DHRS2: variants seen among roughly 807,000 people sequenced by gnomAD.
DHRS2 encodes the protein dehydrogenase/reductase SDR family member 2, mitochondrial.
A neutral mutation model predicts 26.3 loss-of-function variants in DHRS2; 29 were observed. That is an observed-to-expected ratio of 1.10 (90% CI 0.82 to 1.50). DHRS2 has a LOEUF of 1.50. Ranked by LOEUF, DHRS2 falls within the 40% of genes most tolerant of loss-of-function variation. The pLI is 0.00. For synonymous variants in DHRS2, 164 were observed against 151.3 expected (o/e 1.08, Z -0.62); for missense variants, 439 against 367.1 (o/e 1.20, Z -1.60).
intron 1 of DHRS2, 121 bp from the exon 2 acceptor site, chr14:23,638,706 C>G: frequency 9.5e-7 from 1 of 1,047,764 alleles, no homozygotes; most frequent in South Asian, 1.6e-5. Context: ...TTTACCCTAA[C>G]CAGCCTGACT....
At chr14:23,640,665 C>T (rs1162384445) in intron 4 of DHRS2, 2 of 157,784 alleles carry the variant, frequency 1.3e-5, no homozygotes, top group East Asian at 1.9e-4. Context: ...TGTTTCCTGC[C>T]TTCTGGCCTT....
rs759092326 is a variant in DHRS2, at chr14:23,638,816, C to T, written c.-38-11C>T. ...GCATCAGTGATAAGTGAAATTGATT[C>T]TTTCCCCCAGGCCTGATTCAGCAGG... On this transcript the variant is annotated splice_polypyrimidine_tract_variant and intron_variant, in intron 1 of 8. Transcript: ENST00000250383. 5 of 1,588,878 alleles carry T rather than the reference C, an allele frequency of 3.1e-6. No individual in the cohort carries two copies. The Admixed American group carries it at 8.6e-5, about 27-fold the overall frequency.
At chr14:23,632,566 G>A (rs1890150143), upstream of DHRS2, among the ~76,000 whole-genome samples, 1 of 152,206 alleles carries the variant, frequency 6.6e-6, no homozygotes, top group African/African-American at 2.4e-5. Flanking sequence ...AGTACAGACT[G>A]ATATTTAATA....
At chr14:23,632,792 C>T (rs762198755), upstream of DHRS2, among the ~76,000 whole-genome samples, 4 of 152,166 alleles carry the variant, frequency 2.6e-5, no homozygotes, top group Non-Finnish European at 5.9e-5. Context: ...AGAGTCATCC[C>T]AGGCCAGAGC....
Position 23,645,447 on chromosome 14 carries a change from G to A in DHRS2, c.*194G>A. 8.4e-7 allele frequency: 1 copy of A among 1,185,574 alleles called. No individual in the cohort carries two copies. Among genetic ancestry groups the A allele is most frequent in the Non-Finnish European group, 1.2e-6 (1 of 862,428 alleles). 73.4% of individuals were successfully genotyped at this position (1,185,574 alleles called of 1,614,324 possible). ...TTAGGACTTATCTGCTTGTAGATTT[G>A]GCTGATCCAATTAACATGTGGGGTT... On this transcript the variant is annotated 3_prime_UTR_variant, in exon 9 of 9. Transcript: ENST00000250383.
In DHRS2 at chr14:23,645,289, G is replaced by A; in HGVS notation, c.*36G>A. On this transcript the variant is annotated 3_prime_UTR_variant, in exon 9 of 9. Transcript: ENST00000250383. Reference sequence around the variant, plus strand: ...GGCGGCTGCGTAGCTGTGGTCCCAGGCCCAGGAGCCTGAGGGGGTGTCTAG... The same window carrying A: ...GGCGGCTGCGTAGCTGTGGTCCCAGACCCAGGAGCCTGAGGGGGTGTCTAG... The A allele has an allele frequency of 6.2e-7, 1 of 1,613,562 alleles. No individual in the cohort carries two copies. The highest frequency in any genetic ancestry group is 1.1e-5 in the South Asian group (1 of 91,084).
At chr14:23,645,042 C>G in intron 8 of DHRS2, 100 bp from the exon 9 acceptor site, 1 of 1,589,748 alleles carries the variant, frequency 6.3e-7, no homozygotes, top group African/African-American at 1.3e-5. Flanking sequence ...CTGCATCCAC[C>G]TTGTTCCCCA....
chr14:23,644,299 A>G, intron 6 of DHRS2, 110 bp from the exon 7 acceptor site: 1 of 1,564,430 alleles, frequency 6.4e-7, no homozygotes, highest in East Asian at 2.2e-5. Context: ...GCTTGTCTCC[A>G]TGTGGGTGGG....
rs1306274472 is a variant in DHRS2, at chr14:23,636,695, A to T, written c.-116A>T. 1 of 152,184 alleles carries T rather than the reference A, an allele frequency of 6.6e-6. No individual in the cohort carries two copies. Among genetic ancestry groups the T allele is most frequent in the Non-Finnish European group, 1.5e-5 (1 of 68,052 alleles). The allele number at this position is 152,184 out of a possible 1,614,324, so 9.4% of individuals were successfully genotyped here. On this transcript the variant is annotated 5_prime_UTR_variant, in exon 1 of 9. Transcript: ENST00000250383. ...CTGTCACCTATCACCAAGTGGTGAG[A>T]CTATTGCCAAGCAGTGAGACTATTG...
At chr14:23,644,790 A>G (rs1317407821) in intron 7 of DHRS2, 37 bp from the exon 8 acceptor site, 4 of 1,611,042 alleles carry the variant, frequency 2.5e-6, no homozygotes, top group African/African-American at 1.3e-5. Context: ...ATCTTGTTTT[A>G]GTAGCACTGA....
chr14:23,636,835 C>T (rs1890323092), intron 1 of DHRS2, 63 bp downstream of exon 1: 1 of 152,230 alleles, frequency 6.6e-6, no homozygotes, highest in African/African-American at 2.4e-5. Context: ...AATTCGGTGG[C>T]TAAATTCTGG....
intron 1 of DHRS2, among the ~76,000 whole-genome samples, chr14:23,637,629 C>A (rs188885377): frequency 6.6e-6 from 1 of 152,086 alleles, no homozygotes; most frequent in African/African-American, 2.4e-5. Context: ...AACAGGTTTT[C>A]GAGAATGCGT....
intron 5 of DHRS2, 146 bp from the exon 6 acceptor site, chr14:23,643,965 C>A (rs1890769142): frequency 1.3e-6 from 1 of 798,066 alleles, no homozygotes; most frequent in South Asian, 1.5e-5. Flanking sequence ...CCTTTCTGAG[C>A]CTCAGTTTTC....
chr14:23,639,697 C>G, intron 3 of DHRS2, 97 bp from the exon 4 acceptor site: 1 of 1,339,148 alleles, frequency 7.5e-7, no homozygotes, highest in African/African-American at 1.5e-5. Flanking sequence ...TTTAGGAGCT[C>G]TGCAAGCTTT....
chr14:23,645,100 C>T lies in DHRS2; in HGVS notation c.732-42C>T, dbSNP rs76299254. ...TCCGTGAGCCCCAGAGCAGCAGAAT[C>T]AGAGTACAAGATGCTTGACACTGTG... On this transcript the variant is annotated intron_variant, in intron 8 of 8. Transcript: ENST00000250383. The T allele has an allele frequency of 2.8e-4, 452 of 1,611,258 alleles. 2 individuals are homozygous for T. In the East Asian group the frequency reaches 7.3e-3, roughly 26 times the overall value.
At position 23,639,491 on chromosome 14, in the gene DHRS2, G is replaced by A. The variant is rs868502466; in HGVS notation, c.318+135G>A. ...CACCCAGGCTGCCCAAGCTAACCTC[G>A]CTACCCAGAAGGTCCCTCAGGAAAG... On this transcript the variant is annotated intron_variant, in intron 3 of 8. Transcript: ENST00000250383. 1.6e-5 allele frequency: 21 copies of A among 1,302,044 alleles called. No homozygotes were observed. The South Asian group carries it at 2.3e-4, about 14-fold the overall frequency. The allele number at this position is 1,302,044 out of a possible 1,614,324, so 80.7% of individuals were successfully genotyped here.
chr14:23,640,016 T>G, intron 4 of DHRS2, 121 bp downstream of exon 4: 4 of 913,726 alleles, frequency 4.4e-6, no homozygotes, highest in Non-Finnish European at 5.9e-6. Context: ...AAGCAGGCCC[T>G]GGGTGGTAGT....
chr14:23,637,488 A>G (rs551491203), intron 1 of DHRS2, among the ~76,000 whole-genome samples: 1 of 152,290 alleles, frequency 6.6e-6, no homozygotes, highest in East Asian at 1.9e-4. Flanking sequence ...AAGTGAGGAC[A>G]AAAGGTGTCA....
chr14:23,644,295 C>T, intron 6 of DHRS2, 114 bp from the exon 7 acceptor site: 3 of 1,561,976 alleles, frequency 1.9e-6, no homozygotes, highest in Non-Finnish European at 2.6e-6. Context: ...CTGAGCTTGT[C>T]TCCATGTGGG....
Sources: allele counts gnomAD v4.1 joint callset (sites outside exome capture counted in the v4.1 genomes callset), GRCh38; gene constraint gnomAD v4.1.1; transcripts MANE v1.5; gene names NCBI Gene and HGNC (gene_info 2026-07-23, HGNC 2026-07-21).